ANK2: variants seen among roughly 807,000 people sequenced by gnomAD.
The protein encoded by ANK2 is ankyrin 2.
In ANK2, 83 loss-of-function variants were observed where a neutral mutation model predicts 360.5. That is an observed-to-expected ratio of 0.23 (90% CI 0.19 to 0.28). The LOEUF is 0.28. ANK2 is among the 10% of genes least tolerant of loss of function. The pLI is 1.00. For synonymous variants in ANK2, 1,740 were observed against 1,759.5 expected (o/e 0.99, Z 0.28); for missense variants, 4,201 against 4,795.7 (o/e 0.88, Z 3.66).
intron 2 of ANK2, among the ~76,000 whole-genome samples, chr4:112,907,501 C>T (rs1006850468): frequency 6.6e-6 from 1 of 152,182 alleles, no homozygotes; most frequent in African/African-American, 2.4e-5. Context: ...CTTTCCCCTC[C>T]TCCTCATCCT....
At chr4:113,076,438 AC>A (rs1362814499) in intron 1 of ANK2, among the ~76,000 whole-genome samples, 1 of 152,206 alleles carries the variant, frequency 6.6e-6, no homozygotes, top group African/African-American at 2.4e-5. Context: ...TGATCCACCA[AC>A]CTTTTTGAAG....
the ANK2 span, among the ~76,000 whole-genome samples, chr4:112,712,498 C>T: frequency 6.6e-6 from 1 of 150,542 alleles, no homozygotes; most frequent in Non-Finnish European, 1.5e-5. Context: ...AGCTCCGCCT[C>T]CCGGGTTCAC....
At position 113,369,701 on chromosome 4, in the gene ANK2, A is replaced by G. The variant is rs2154066836; in HGVS notation, c.11506A>G (p.Arg3836Gly). ...IQEPEEPSEH[R>G]EESSPRKTSL... ...AGAACCCGAAGAGCCCTCAGAGCAC[A>G]GAGAGGAGAGCTCTCCGCGGAAAAC... The change falls in exon 43 of 46, where the codon AGA becomes GGA. Residue 3836 changes from arginine to glycine, a missense_variant. Physicochemically the swap from Arg to Gly is moderately radical, Grantham distance 125 (BLOSUM62 -2). This residue lies in a region of ANK2 where 2,642 missense variants were observed against 2,714.5 expected (regional missense o/e 0.97). Coordinates refer to ENST00000357077, the MANE Select transcript of ANK2 (RefSeq NM_001148.6). 3 of 1,614,174 alleles carry G rather than the reference A, an allele frequency of 1.9e-6. No individual in the cohort carries two copies. Among genetic ancestry groups the G allele is most frequent in the Non-Finnish European group, 2.5e-6 (3 of 1,180,012 alleles).
chr4:113,282,557 TGTA>T, intron 17 of ANK2, 115 bp from the exon 18 acceptor site: 1 of 1,033,358 alleles, frequency 9.7e-7, no homozygotes, highest in Non-Finnish European at 1.5e-6. Flanking sequence ...TTGGATTAAC[TGTA>T]AACTCACTTT....
At chr4:112,786,190 C>T in the ANK2 span, among the ~76,000 whole-genome samples, 5 of 149,362 alleles carry the variant, frequency 3.3e-5, no homozygotes, top group South Asian at 1.1e-3. Context: ...CAAAACATTT[C>T]GGTTTACAAA....
At chr4:113,298,113 T>C (rs1468704544) in intron 22 of ANK2, among the ~76,000 whole-genome samples, 1 of 152,206 alleles carries the variant, frequency 6.6e-6, no homozygotes, top group East Asian at 1.9e-4. Context: ...TTTTAGACTT[T>C]TGACATGTTT....
intron 2 of ANK2, among the ~76,000 whole-genome samples, chr4:112,947,199 C>G (rs2094598680): frequency 6.6e-6 from 1 of 152,124 alleles, no homozygotes; most frequent in Non-Finnish European, 1.5e-5. Context: ...CAATGAATAG[C>G]TGATTTTATG....
At chr4:112,749,582 C>G in the ANK2 span, among the ~76,000 whole-genome samples, 1 of 152,144 alleles carries the variant, frequency 6.6e-6, no homozygotes, top group African/African-American at 2.4e-5. Flanking sequence ...TGGTCTCCTA[C>G]TGAATAGTTA....
At chr4:113,156,973 AAG>A (rs1206100944) in intron 1 of ANK2, among the ~76,000 whole-genome samples, 1 of 152,040 alleles carries the variant, frequency 6.6e-6, no homozygotes, top group East Asian at 1.9e-4. Flanking sequence ...GGGAGATTGT[AAG>A]AGCAAAAAAG....
At chr4:112,925,566 T>C (rs549851695) in intron 2 of ANK2, among the ~76,000 whole-genome samples, 1 of 152,346 alleles carries the variant, frequency 6.6e-6, no homozygotes, top group Non-Finnish European at 1.5e-5. Flanking sequence ...CCTGCTAATA[T>C]GAAACTTGGC....
chr4:113,016,353 T>A (rs2056611854), intron 2 of ANK2, among the ~76,000 whole-genome samples: 1 of 152,140 alleles, frequency 6.6e-6, no homozygotes, highest in South Asian at 2.1e-4. Context: ...CTCTTATAGG[T>A]TCTTCACCCG....
chr4:112,765,762 C>A, the ANK2 span, among the ~76,000 whole-genome samples: 1 of 151,300 alleles, frequency 6.6e-6, no homozygotes, highest in African/African-American at 2.4e-5. Flanking sequence ...TCTGTCTTTC[C>A]CCCAACTTCA....
chr4:112,708,054 A>G, the ANK2 span, among the ~76,000 whole-genome samples: 2 of 152,246 alleles, frequency 1.3e-5, no homozygotes, highest in African/African-American at 4.8e-5. Context: ...TACCTGATTC[A>G]TCCAGTCAGG....
chr4:113,102,950 A>C (rs1246446053), intron 1 of ANK2, among the ~76,000 whole-genome samples: 6 of 152,004 alleles, frequency 3.9e-5, no homozygotes, highest in Admixed American at 3.3e-4. Context: ...CACAGGGAGG[A>C]GGGGAGGTGA....
chr4:112,744,536 G>A, the ANK2 span, among the ~76,000 whole-genome samples: 5 of 151,902 alleles, frequency 3.3e-5, no homozygotes, highest in African/African-American at 1.2e-4. Flanking sequence ...TTTTAGTAAA[G>A]ATGGGGTTTT....
chr4:112,993,412 C>G (rs2047490132), intron 2 of ANK2, among the ~76,000 whole-genome samples: 1 of 151,470 alleles, frequency 6.6e-6, no homozygotes, highest in South Asian at 2.1e-4. Context: ...AAGCAATTCT[C>G]TGCCTCAGCC....
intron 24 of ANK2, chr4:113,317,415 C>A: frequency 2.3e-6 from 1 of 425,720 alleles, no homozygotes; most frequent in East Asian, 5.0e-5. Context: ...TAATAAACTA[C>A]AGTTGCTGGT....
In ANK2 at chr4:113,335,908, C is replaced by T; in HGVS notation, c.3442C>T (p.Pro1148Ser). 1 of 1,614,130 alleles carries T rather than the reference C, an allele frequency of 6.2e-7. No homozygotes were observed. Among genetic ancestry groups the T allele is most frequent in the Non-Finnish European group, 8.5e-7 (1 of 1,180,014 alleles). ...RICRIITRDFPQYFAVVSRIK... is the reference protein window; with the variant it reads ...RICRIITRDFSQYFAVVSRIK... ...CTGCCGCATCATCACCCGAGACTTC[C>T]CACAGTACTTTGCAGTGGTGTCTCG... Residue 1148 changes from proline to serine, a missense_variant, in exon 30 of 46, where the codon CCA becomes TCA. Coordinates refer to ENST00000357077, the MANE Select transcript of ANK2 (RefSeq NM_001148.6).
intron 32 of ANK2, 111 bp downstream of exon 32, chr4:113,339,433 T>A (rs1333941793): frequency 1.1e-6 from 1 of 875,520 alleles, no homozygotes; most frequent in Non-Finnish European, 1.9e-6. Flanking sequence ...TTCATTGGAT[T>A]TTAAATATGG....
Sources: gnomAD v4.1 joint callset for allele counts (sites outside exome capture counted in the v4.1 genomes callset) on GRCh38, gnomAD v4.1.1 for gene constraint, gnomAD v4.1.1 regional missense constraint, MANE v1.5 for transcripts, NCBI Gene and HGNC (gene_info 2026-07-23, HGNC 2026-07-21) for gene names.